Variants in FAAH2 observed in about 807,000 individuals in gnomAD.
The protein encoded by FAAH2 is fatty acid amide hydrolase 2, also known as fatty-acid amide hydrolase 2.
In FAAH2, 60 loss-of-function variants were observed where a neutral mutation model predicts 36.9. The observed-to-expected ratio is 1.63, with a 90% confidence interval of 1.32 to 2.02. FAAH2 has a LOEUF of 2.02. Ranked by LOEUF, FAAH2 falls within the 30% of genes most tolerant of loss-of-function variation. FAAH2 has a pLI of 0.00. For missense variants in FAAH2, 689 were observed against 397.5 expected (o/e 1.73, Z -6.23); for synonymous variants, 214 against 143.8 (o/e 1.49, Z -3.49).
intron 5 of FAAH2, among the ~76,000 whole-genome samples, chrX:57,357,068 C>T (rs1265110356): frequency 9.0e-6 from 1 of 111,288 alleles, no homozygotes; most frequent in Non-Finnish European, 1.9e-5. Flanking sequence ...TGTTTGTTTG[C>T]TGAGAATGAT....
intron 5 of FAAH2, among the ~76,000 whole-genome samples, chrX:57,372,075 C>A (rs370072014): frequency 3.5e-4 from 26 of 73,598 alleles, no homozygotes; most frequent in African/African-American, 8.5e-4. Flanking sequence ...GAATCTATGT[C>A]TTTTTTATTG....
At chrX:57,379,602 CTAAG>C (rs1844043851) in intron 6 of FAAH2, among the ~76,000 whole-genome samples, 1 of 109,002 alleles carries the variant, frequency 9.2e-6, no homozygotes, top group African/African-American at 3.3e-5. Context: ...ATTAAGCATC[CTAAG>C]TGTCTCTCAT....
intron 3 of FAAH2, among the ~76,000 whole-genome samples, chrX:57,311,118 C>A (rs1311609090): frequency 8.9e-6 from 1 of 112,021 alleles, no homozygotes; most frequent in African/African-American, 3.2e-5. Flanking sequence ...TAACTTCCTG[C>A]TAGCCTCAAA....
intron 5 of FAAH2, among the ~76,000 whole-genome samples, chrX:57,361,434 T>C (rs1161123740): frequency 9.0e-6 from 1 of 111,464 alleles, no homozygotes; most frequent in Non-Finnish European, 1.9e-5. Flanking sequence ...CTATAAACTT[T>C]CCTCTTAGTA....
chrX:57,488,591 T>C (rs1281976678), intron 10 of FAAH2, among the ~76,000 whole-genome samples, 166 bp from the exon 11 acceptor site: 2 of 112,165 alleles, frequency 1.8e-5, no homozygotes, highest in Non-Finnish European at 3.8e-5. Flanking sequence ...CTTGTTGTGA[T>C]GTCAAATATT....
At chrX:57,267,057 C>T in the FAAH2 span, among the ~76,000 whole-genome samples, 1 of 111,914 alleles carries the variant, frequency 8.9e-6, no homozygotes, top group Admixed American at 9.4e-5. Flanking sequence ...CTCAGGTGCC[C>T]TGCGAGCCCA....
At chrX:57,190,071 G>A in the FAAH2 span, among the ~76,000 whole-genome samples, 3 of 111,631 alleles carry the variant, frequency 2.7e-5, no homozygotes, top group South Asian at 7.6e-4. Flanking sequence ...CCTGACTGGG[G>A]CTGGTGCCTT....
intron 3 of FAAH2, among the ~76,000 whole-genome samples, chrX:57,317,551 C>T (rs1352431132): frequency 1.8e-5 from 2 of 111,412 alleles, no homozygotes; most frequent in South Asian, 3.7e-4. Context: ...ACTTAGAGTC[C>T]TACACCATAA....
At chrX:57,180,468 C>A in the FAAH2 span, among the ~76,000 whole-genome samples, 38 of 111,387 alleles carry the variant, frequency 3.4e-4, no homozygotes, top group African/African-American at 1.2e-3. Context: ...ATACAAATAA[C>A]AATCATATTA....
At chrX:57,223,806 C>T in the FAAH2 span, among the ~76,000 whole-genome samples, 1 of 112,081 alleles carries the variant, frequency 8.9e-6, no homozygotes, top group African/African-American at 3.2e-5. Flanking sequence ...TTTTGGACTT[C>T]CAACATTCAT....
the FAAH2 span, among the ~76,000 whole-genome samples, chrX:57,216,572 GTA>G: frequency 2.9e-3 from 37 of 12,724 alleles, no homozygotes; most frequent in Non-Finnish European, 5.6e-3. Flanking sequence ...ATACGTATAT[GTA>G]TATATATGTA....
chrX:57,277,040 A>G, the FAAH2 span, among the ~76,000 whole-genome samples: 32 of 111,890 alleles, frequency 2.9e-4, no homozygotes, highest in Non-Finnish European at 5.5e-4. Flanking sequence ...ATTCCAATCA[A>G]TAGAAAAAGA....
At chrX:57,419,150 C>T (rs914701361) in intron 7 of FAAH2, among the ~76,000 whole-genome samples, 3 of 110,174 alleles carry the variant, frequency 2.7e-5, no homozygotes, top group Admixed American at 9.7e-5. Context: ...CAAGTCTTTG[C>T]TATTGTGAAT....
intron 3 of FAAH2, among the ~76,000 whole-genome samples, chrX:57,327,111 C>T (rs2053241184): frequency 9.3e-6 from 1 of 107,736 alleles, no homozygotes; most frequent in Non-Finnish European, 1.9e-5. Context: ...CTTAGTTTGG[C>T]TGTATATGAA....
chrX:57,433,580 G>T (rs2056348519), intron 8 of FAAH2, among the ~76,000 whole-genome samples: 1 of 112,003 alleles, frequency 8.9e-6, no homozygotes, highest in African/African-American at 3.2e-5. Flanking sequence ...TGTAACTGAA[G>T]TATCCAACAG....
chrX:57,123,364 G>C, the FAAH2 span, among the ~76,000 whole-genome samples: 1 of 111,991 alleles, frequency 8.9e-6, no homozygotes, highest in Non-Finnish European at 1.9e-5. Flanking sequence ...AGTATTCCAT[G>C]GTGTATATGT....
chrX:57,327,885 A>G (rs2053265827), intron 3 of FAAH2, among the ~76,000 whole-genome samples: 1 of 111,847 alleles, frequency 8.9e-6, no homozygotes, highest in Non-Finnish European at 1.9e-5. Context: ...GCTGATTAGT[A>G]GCTGCATTCC....
At chrX:57,235,741 C>T in the FAAH2 span, among the ~76,000 whole-genome samples, 1 of 112,098 alleles carries the variant, frequency 8.9e-6, no homozygotes, top group South Asian at 3.7e-4. Flanking sequence ...GTTGTCTATG[C>T]TTATGCAATA....
At chrX:57,246,811 T>C in the FAAH2 span, among the ~76,000 whole-genome samples, 1 of 111,545 alleles carries the variant, frequency 9.0e-6, no homozygotes, top group Non-Finnish European at 1.9e-5. Flanking sequence ...GGGTTGGTGA[T>C]ATATGGGACA....
Sources: allele counts gnomAD v4.1 joint callset (sites outside exome capture counted in the v4.1 genomes callset), GRCh38; gene constraint gnomAD v4.1.1; transcripts MANE v1.5; gene names NCBI Gene and HGNC (gene_info 2026-07-23, HGNC 2026-07-21).